The following FABP5 variants were observed in gnomAD, a reference collection of about 807,000 sequenced individuals.
FABP5 encodes the protein fatty acid-binding protein 5.
Under a neutral mutation model 16.9 loss-of-function variants are expected in FABP5, and 7 were observed. That is an observed-to-expected ratio of 0.41 (90% CI 0.24 to 0.78). The LOEUF (loss-of-function observed/expected upper bound fraction) is 0.78, where lower values mean the gene tolerates loss of function less well. Ranked by LOEUF, FABP5 falls within the 30% of genes least tolerant of loss-of-function variation. FABP5 has a pLI of 0.30. For missense variants in FABP5, 119 were observed against 159.5 expected, an observed-to-expected ratio of 0.75 and a Z score of 1.37; for synonymous variants, 37 against 52.8, an observed-to-expected ratio of 0.70 and a Z score of 1.30.
In FABP5 at chr8:81,284,214, T is replaced by C. The variant is rs951824291; in HGVS notation, c.354+240T>C. ...TTCTTGCTTTGCTGCCACGTCACAG[T>C]GAAATCTTGGCAAGCCACCAAACTG... On this transcript the variant is annotated intron_variant, in intron 3 of 3. Transcript: ENST00000297258. 39 of 542,124 alleles carry C rather than the reference T, an allele frequency of 7.2e-5. 1 individual carries two copies. In the South Asian group the frequency reaches 1.2e-3, roughly 16 times the overall value. The allele number at this position is 542,124 out of a possible 1,614,324, so 33.6% of individuals were successfully genotyped here. A position where few individuals can be genotyped will look rare whatever the true frequency, so the allele number is the denominator to read the frequency against.
At chr8:81,283,299 A>G in intron 1 of FABP5, 67 bp from the exon 2 acceptor site, 1 of 1,309,180 alleles carries the variant, frequency 7.6e-7, no homozygotes, top group Non-Finnish European at 1.1e-6. Context: ...CAATGGAATT[A>G]TTGCTTTTAT....
Position 81,281,470 on chromosome 8 carries a change from G to T in FABP5, c.79+796G>T, listed in dbSNP as rs1326251065. The stretch of plus-strand genomic sequence containing the variant: ...TGGGCGGGTGGCCTGTGGGAGGAGC[G>T]CAATGAGGCCTGGGGGTGGCCGTGT... On this transcript the variant is annotated intron_variant, in intron 1 of 3. Coordinates refer to ENST00000297258, the MANE Select transcript of FABP5 (RefSeq NM_001444.3). This position sits in a 1 kb window ranked among gnomAD's most constrained non-coding sequence, Gnocchi z 4.5. The T allele has an allele frequency of 2.0e-6, 2 of 985,662 alleles. No homozygotes were observed. The highest frequency in any genetic ancestry group is 1.7e-5 in the African/African-American group (1 of 57,352). 61.1% of individuals were successfully genotyped at this position (985,662 alleles called of 1,614,324 possible). A position where few individuals can be genotyped will look rare whatever the true frequency, so the allele number is the denominator to read the frequency against.
At chr8:81,282,417 T>C (rs530340104) in intron 1 of FABP5, among the ~76,000 whole-genome samples, 46 of 152,274 alleles carry the variant, frequency 3.0e-4, no homozygotes, top group African/African-American at 1.1e-3. Flanking sequence ...AGCCCTGAGC[T>C]GGCAAAAGAG....
intron 1 of FABP5, among the ~76,000 whole-genome samples, chr8:81,282,167 AGTGTGTGTGT>A (rs10700115): frequency 1.7e-4 from 25 of 147,692 alleles, no homozygotes; most frequent in African/African-American, 2.2e-4. Context: ...AATAAATAAC[AGTGTGTGTGT>A]GTGTGTGTGT....
chr8:81,282,167 A>AGT (rs10700115), intron 1 of FABP5, among the ~76,000 whole-genome samples: 14,376 of 147,262 alleles, frequency 0.098, 1,455 homozygotes, highest in African/African-American at 0.26. Flanking sequence ...AATAAATAAC[A>AGT]GTGTGTGTGT....
At chr8:81,283,572 T>A in intron 2 of FABP5, 34 bp downstream of exon 2, 30 of 1,578,846 alleles carry the variant, frequency 1.9e-5, no homozygotes, top group Non-Finnish European at 2.5e-5. Context: ...TCACAGAAGC[T>A]TCTAGAATGA....
At position 81,283,895 on chromosome 8, in the gene FABP5, G is replaced by A; in HGVS notation, c.275G>A (p.Gly92Asp). Residue 92 changes from glycine to aspartate, a missense_variant, in exon 3 of 4, where the codon GGT (glycine) becomes GAT (aspartate). Gly to Asp is a moderately conservative substitution (Grantham distance 94). Transcript: ENST00000297258. Reference protein sequence around the residue: ...KTQTVCNFTDGALVQHQEWDG... With the variant: ...KTQTVCNFTDDALVQHQEWDG... ...CAGACTGTCTGCAACTTTACAGATG[G>A]TGCATTGGTTCAGCATCAGGAGTGG... The A allele has an allele frequency of 6.2e-7, 1 of 1,612,502 alleles. No individual in the cohort carries two copies. The highest frequency in any genetic ancestry group is 8.5e-7 in the Non-Finnish European group (1 of 1,179,146).
Position 81,281,782 on chromosome 8 carries a change from A to C in FABP5, c.79+1108A>C. 1.6e-6 allele frequency: 1 copy of C among 636,310 alleles called. No individual in the cohort carries two copies. The highest frequency in any genetic ancestry group is 2.0e-6 in the Non-Finnish European group (1 of 511,134). 39.4% of individuals were successfully genotyped at this position (636,310 alleles called of 1,614,324 possible). A position where few individuals can be genotyped will look rare whatever the true frequency, so the allele number is the denominator to read the frequency against. On this transcript the variant is annotated intron_variant, in intron 1 of 3. Coordinates refer to ENST00000297258, the MANE Select transcript of FABP5 (RefSeq NM_001444.3). This position sits in a 1 kb window ranked among gnomAD's most constrained non-coding sequence, Gnocchi z 4.5. ...AGACACTGGATAAATTGCAAACAAA[A>C]ATGGACCTTTGTCACAGGCCACTAG...
At position 81,281,390 on chromosome 8, in the gene FABP5, C is replaced by T. The variant is rs1807828850; in HGVS notation, c.79+716C>T. 1.0e-5 allele frequency: 10 copies of T among 986,068 alleles called. No individual in the cohort carries two copies. In the South Asian group the frequency reaches 3.3e-4, roughly 32 times the overall value. The allele number at this position is 986,068 out of a possible 1,614,324, so 61.1% of individuals were successfully genotyped here. A position where few individuals can be genotyped will look rare whatever the true frequency, so the allele number is the denominator to read the frequency against. ...ATGGAACACCAGGGCCCCCGAGAAG[C>T]GTGGCGCTGGCGGTGCCGACCTGCT... On this transcript the variant is annotated intron_variant, in intron 1 of 3. Transcript: ENST00000297258. The surrounding 1 kb of genome is among the most constrained non-coding windows in gnomAD (Gnocchi z 4.5).
chr8:81,283,404 A>G lies in FABP5; in HGVS notation c.118A>G (p.Lys40Glu). The G allele has an allele frequency of 6.2e-7, 1 of 1,607,166 alleles. No individual in the cohort carries two copies. The highest frequency in any genetic ancestry group is 1.1e-5 in the South Asian group (1 of 89,350). ...IALRKMGAMA[K>E]PDCIITCDGK... is the part of the protein sequence containing the mutation. ...TTTGCGAAAAATGGGCGCAATGGCC[A>G]AGCCAGATTGTATCATCACTTGTGA... The change falls in exon 2 of 4, where the codon AAG becomes GAG. Residue 40 changes from lysine (K) to glutamate (E), a missense_variant. Lys to Glu is a moderately conservative substitution (Grantham distance 56). Transcript: ENST00000297258.
chr8:81,281,667 T>G lies in FABP5; in HGVS notation c.79+993T>G, dbSNP rs1012160909. 1.0e-6 allele frequency: 1 copy of G among 985,218 alleles called. No individual in the cohort carries two copies. The highest frequency in any genetic ancestry group is 1.7e-5 in the African/African-American group (1 of 57,246). 61.0% of individuals were successfully genotyped at this position (985,218 alleles called of 1,614,324 possible). ...GAAGCGTTCCGAGGGAGAATGAATCTCAGTAGTAAGATTCATTTCTCACTC... is the reference window on the plus strand; with the variant it reads ...GAAGCGTTCCGAGGGAGAATGAATCGCAGTAGTAAGATTCATTTCTCACTC... On this transcript the variant is annotated intron_variant, in intron 1 of 3. Transcript: ENST00000297258. This position sits in a 1 kb window ranked among gnomAD's most constrained non-coding sequence, Gnocchi z 4.5.
chr8:81,283,794 T>C (rs1360025424), intron 2 of FABP5, 79 bp from the exon 3 acceptor site: 1 of 1,173,562 alleles, frequency 8.5e-7, no homozygotes, highest in Non-Finnish European at 1.2e-6. Context: ...GTGAAACAAA[T>C]GTTGATTAAG....
intron 1 of FABP5, 96 bp from the exon 2 acceptor site, chr8:81,283,270 A>G (rs1315935721): frequency 2.9e-6 from 3 of 1,052,264 alleles, no homozygotes; most frequent in African/African-American, 3.2e-5. Context: ...AAGTGAAAAT[A>G]TGCCGCACAA....
In FABP5 at chr8:81,281,731, G is replaced by T; in HGVS notation, c.79+1057G>T. ...ATTATAAATTACTGTCCTTTTCTAT[G>T]CCAGTGACAGATTGCATGCTGATTG... On this transcript the variant is annotated intron_variant, in intron 1 of 3. Transcript: ENST00000297258. This position sits in a 1 kb window ranked among gnomAD's most constrained non-coding sequence, Gnocchi z 4.5. 1 of 941,462 alleles carries T rather than the reference G, an allele frequency of 1.1e-6. No homozygotes were observed. Among genetic ancestry groups the T allele is most frequent in the Non-Finnish European group, 1.3e-6 (1 of 789,852 alleles). The allele number at this position is 941,462 out of a possible 1,614,324, so 58.3% of individuals were successfully genotyped here.
At position 81,281,577 on chromosome 8, in the gene FABP5, CT is replaced by C; in HGVS notation, c.79+904del. ...GCTGGAAAACCGTAACAGAAACTGC[CT>C]GGCCCTCCTGCGGCTAACTGCATGC... On this transcript the variant is annotated intron_variant, in intron 1 of 3. Transcript: ENST00000297258. The surrounding 1 kb of genome is among the most constrained non-coding windows in gnomAD (Gnocchi z 4.5). The C allele has an allele frequency of 1.0e-6, 1 of 985,664 alleles. No homozygotes were observed. The highest frequency in any genetic ancestry group is 1.2e-6 in the Non-Finnish European group (1 of 830,096). 61.1% of individuals were successfully genotyped at this position (985,664 alleles called of 1,614,324 possible).
rs1807879194 is a variant in FABP5, at chr8:81,284,324, A to T, written c.355-190A>T. 3 of 554,820 alleles carry T rather than the reference A, an allele frequency of 5.4e-6. No individual in the cohort carries two copies. In the East Asian group the frequency reaches 8.4e-5, roughly 16 times the overall value. The allele number at this position is 554,820 out of a possible 1,614,324, so 34.4% of individuals were successfully genotyped here. On this transcript the variant is annotated intron_variant, in intron 3 of 3. Coordinates refer to ENST00000297258, the MANE Select transcript of FABP5 (RefSeq NM_001444.3). ...TATATTCAACACATTAGTTTTCTGT[A>T]AAACATGCATATTATAAGCAAAACA... is the stretch of plus-strand genomic sequence containing the variant.
In FABP5 at chr8:81,283,968, A is replaced by G. The variant is rs745885500; in HGVS notation, c.348A>G (p.Leu116=). The change falls in exon 3 of 4, where the codon TTA becomes TTG. Residue 116 remains leucine (L), a synonymous_variant. Coordinates refer to ENST00000297258, the MANE Select transcript of FABP5 (RefSeq NM_001444.3). ...TITRKLKDGK[L]VVECVMNNVT... ...CAAGAAAATTGAAAGATGGGAAATT[A>G]GTGGTGGTAAGTGTCAAACTGCTGT... 1 of 1,602,562 alleles carries G rather than the reference A, an allele frequency of 6.2e-7. No individual in the cohort carries two copies. The highest frequency in any genetic ancestry group is 1.3e-5 in the African/African-American group (1 of 74,718).
chr8:81,281,626 A>G lies in FABP5; in HGVS notation c.79+952A>G. ...TGCAAGATGGGTGTGGCCCTGCAGA[A>G]GGCAGATGACTTCTTGAAGCGTTCC... On this transcript the variant is annotated intron_variant, in intron 1 of 3. Transcript: ENST00000297258. The surrounding 1 kb of genome is among the most constrained non-coding windows in gnomAD (Gnocchi z 4.5). The G allele has an allele frequency of 1.0e-6, 1 of 985,458 alleles. No individual in the cohort carries two copies. Among genetic ancestry groups the G allele is most frequent in the Non-Finnish European group, 1.2e-6 (1 of 829,928 alleles). 61.0% of individuals were successfully genotyped at this position (985,458 alleles called of 1,614,324 possible).
At chr8:81,284,052 C>A in intron 3 of FABP5, 78 bp downstream of exon 3, 1 of 1,067,366 alleles carries the variant, frequency 9.4e-7, no homozygotes, top group South Asian at 1.4e-5. Flanking sequence ...TATCATTGAT[C>A]ATTAACAGAA....
Sources: gnomAD v4.1 joint callset for allele counts (sites outside exome capture counted in the v4.1 genomes callset) on GRCh38, gnomAD v4.1.1 for gene constraint, Gnocchi (gnomAD v3.1) non-coding constraint, MANE v1.5 for transcripts, NCBI Gene and HGNC (gene_info 2026-07-23, HGNC 2026-07-21) for gene names.